The following KLF12 variants were observed in gnomAD, a reference collection of about 807,000 sequenced individuals.
KLF12 encodes the protein KLF transcription factor 12, also known as Krueppel-like factor 12.
KLF12 carries 9 observed loss-of-function variants against 37.8 expected under a neutral mutation model. The observed-to-expected ratio is 0.24, with a 90% CI of 0.14 to 0.42. KLF12 has a LOEUF of 0.42. KLF12 is among the 10% of genes least tolerant of loss of function. The probability of loss-of-function intolerance (pLI) is 1.00; values close to 1 mark genes in which losing one functional copy is unlikely to be tolerated. For synonymous variants in KLF12, 208 were observed against 202.1 expected (o/e 1.03, Z -0.25); for missense variants, 411 against 516.0 (o/e 0.80, Z 1.97).
At chr13:74,091,969 A>C (rs1357278698) in intron 1 of KLF12, among the ~76,000 whole-genome samples, 1 of 150,488 alleles carries the variant, frequency 6.6e-6, no homozygotes, top group Non-Finnish European at 1.5e-5. Flanking sequence ...TGTGGGCATA[A>C]AACTGCTCTA....
chr13:74,018,499 A>G (rs1001833396), intron 1 of KLF12, among the ~76,000 whole-genome samples: 5 of 152,254 alleles, frequency 3.3e-5, no homozygotes, highest in Admixed American at 2.0e-4. Flanking sequence ...TTAATTAGCT[A>G]GATTTAACCA....
At chr13:74,248,690 C>A in the KLF12 span, among the ~76,000 whole-genome samples, 1 of 152,230 alleles carries the variant, frequency 6.6e-6, no homozygotes, top group East Asian at 1.9e-4. Context: ...GTGGCTCACC[C>A]GAGACCAGTC....
At chr13:73,920,846 A>G (rs566814536) in intron 3 of KLF12, among the ~76,000 whole-genome samples, 4 of 152,244 alleles carry the variant, frequency 2.6e-5, no homozygotes, top group African/African-American at 9.6e-5. Flanking sequence ...CCTCAGAACC[A>G]AGAGGTCTTT....
the KLF12 span, among the ~76,000 whole-genome samples, chr13:74,209,037 G>A: frequency 1.3e-5 from 2 of 151,824 alleles, no homozygotes; most frequent in Non-Finnish European, 1.5e-5. Context: ...CTTGAGTGAC[G>A]TAACAGTATA....
At chr13:73,876,284 G>C (rs1282818492) in intron 3 of KLF12, among the ~76,000 whole-genome samples, 1 of 152,116 alleles carries the variant, frequency 6.6e-6, no homozygotes, top group African/African-American at 2.4e-5. Context: ...GATGCCTTTC[G>C]GCTTTTAGCT....
intron 6 of KLF12, among the ~76,000 whole-genome samples, chr13:73,763,973 G>A (rs1879738446): frequency 6.6e-6 from 1 of 152,126 alleles, no homozygotes; most frequent in African/African-American, 2.4e-5. Context: ...TGGGGGAAGG[G>A]AGGTGAGATG....
At chr13:74,098,353 C>A (rs965598531) in intron 1 of KLF12, among the ~76,000 whole-genome samples, 30 of 152,112 alleles carry the variant, frequency 2.0e-4, no homozygotes, top group African/African-American at 7.0e-4. Flanking sequence ...TTAGGCTAGG[C>A]TAATCAAATA....
chr13:74,290,542 A>G, the KLF12 span, among the ~76,000 whole-genome samples: 5,205 of 152,334 alleles, frequency 0.034, 115 homozygotes, highest in South Asian at 0.049. Flanking sequence ...AGCAGTAACC[A>G]GCACACAGAG....
intron 3 of KLF12, among the ~76,000 whole-genome samples, chr13:73,890,523 T>C (rs1244843394): frequency 6.6e-6 from 1 of 152,120 alleles, no homozygotes; most frequent in African/African-American, 2.4e-5. Flanking sequence ...GGAAATCATT[T>C]TAATTTTCTA....
the KLF12 span, among the ~76,000 whole-genome samples, chr13:74,275,791 T>TTTCTTTCC: frequency 7.6e-3 from 675 of 88,914 alleles, 16 homozygotes; most frequent in East Asian, 0.019. Context: ...TCTTTCTTTC[T>TTTCTTTCC]TTCTTTCTTT....
At chr13:73,806,144 C>T (rs1345844088) in intron 5 of KLF12, among the ~76,000 whole-genome samples, 4 of 146,082 alleles carry the variant, frequency 2.7e-5, no homozygotes, top group African/African-American at 1.0e-4. Context: ...TAAAGTCTCA[C>T]TCTTGTTGCC....
intron 3 of KLF12, among the ~76,000 whole-genome samples, chr13:73,854,790 A>T (rs1885522424): frequency 6.6e-6 from 1 of 152,204 alleles, no homozygotes; most frequent in South Asian, 2.1e-4. Context: ...CAATGTGAAC[A>T]GTTGTCATTT....
the KLF12 span, among the ~76,000 whole-genome samples, chr13:74,267,594 G>A: frequency 2.6e-5 from 4 of 152,162 alleles, no homozygotes; most frequent in South Asian, 2.1e-4. Flanking sequence ...TAGGGGGAAG[G>A]AGGGATGAAG....
the KLF12 span, among the ~76,000 whole-genome samples, chr13:74,275,807 C>CTTCTTTCTTTCT: frequency 3.0e-4 from 15 of 50,306 alleles, no homozygotes; most frequent in East Asian, 6.9e-4. Flanking sequence ...TCTTTCTTTC[C>CTTCTTTCTTTCT]TTCTTTCTTT....
intron 2 of KLF12, among the ~76,000 whole-genome samples, chr13:73,961,152 T>C (rs1891011807): frequency 6.6e-6 from 1 of 152,190 alleles, no homozygotes; most frequent in South Asian, 2.1e-4. Context: ...CCTTTAATCA[T>C]GATAGCCACA....
intron 5 of KLF12, among the ~76,000 whole-genome samples, chr13:73,775,882 ATTACAATTTAGCATTC>A: frequency 6.6e-6 from 1 of 152,342 alleles, no homozygotes; most frequent in African/African-American, 2.4e-5. Context: ...AATTGGACCT[ATTACAATTTAGCATTC>A]TCTCAAGAAG....
the KLF12 span, among the ~76,000 whole-genome samples, chr13:74,158,106 T>G: frequency 6.6e-6 from 1 of 152,188 alleles, no homozygotes; most frequent in East Asian, 1.9e-4. Flanking sequence ...AGGGCATGTT[T>G]GGGCTTGACT....
chr13:74,195,783 AGAG>A, the KLF12 span, among the ~76,000 whole-genome samples: 3 of 151,946 alleles, frequency 2.0e-5, no homozygotes, highest in Non-Finnish European at 2.9e-5. Context: ...GTTTTTTAGG[AGAG>A]ATGGCCAGGC....
the KLF12 span, among the ~76,000 whole-genome samples, chr13:74,303,890 C>T: frequency 6.6e-6 from 1 of 152,054 alleles, no homozygotes; most frequent in African/African-American, 2.4e-5. Flanking sequence ...GCCCTAAGGA[C>T]TTTTCTTAAG....
Sources: allele counts gnomAD v4.1 joint callset (sites outside exome capture counted in the v4.1 genomes callset), GRCh38; gene constraint gnomAD v4.1.1; transcripts MANE v1.5; gene names NCBI Gene and HGNC (gene_info 2026-07-23, HGNC 2026-07-21).